The following PPP2R2C variants were observed in gnomAD, a reference collection of about 807,000 sequenced individuals.
PPP2R2C encodes the protein protein phosphatase 2 regulatory subunit Bgamma, also known as protein phosphatase 2, regulatory subunit B, gamma.
PPP2R2C carries 10 observed loss-of-function variants against 45.3 expected under a neutral mutation model. That is an observed-to-expected ratio of 0.22 (90% confidence interval 0.14 to 0.37). The LOEUF (loss-of-function observed/expected upper bound fraction) is 0.37. Ranked by LOEUF, PPP2R2C falls within the 10% of genes least tolerant of loss-of-function variation. The pLI is 1.00. For missense variants in PPP2R2C, 308 were observed against 619.7 expected (o/e 0.50, Z 5.34); for synonymous variants, 257 against 245.4 (o/e 1.05, Z -0.44).
chr4:6,469,782 G>C (rs1440624882), intron 1 of PPP2R2C, among the ~76,000 whole-genome samples: 1 of 152,234 alleles, frequency 6.6e-6, no homozygotes, highest in Non-Finnish European at 1.5e-5. Context: ...ATGAAATATA[G>C]TCAGGATGCA....
chr4:6,491,022 C>T (rs918259935), intron 2 of PPP2R2C, among the ~76,000 whole-genome samples: 26 of 152,132 alleles, frequency 1.7e-4, no homozygotes, highest in African/African-American at 6.0e-4. Flanking sequence ...GGGGCACCAC[C>T]CCACGTAAAC....
upstream of PPP2R2C, among the ~76,000 whole-genome samples, chr4:6,473,913 A>G (rs1188445223): frequency 6.6e-6 from 1 of 152,196 alleles, no homozygotes; most frequent in Non-Finnish European, 1.5e-5. Context: ...AGCACTCTGC[A>G]GGCTGTCATG....
rs756435972 is a variant in PPP2R2C, at chr4:6,347,847, C to T, written c.789G>A (p.Lys263=). The part of the protein sequence containing the change: ...RAAALCDKHS[K]LFEEPEDPSN... ...CCACCCCCAGGCACCGGCACTTACGCTTGGAATGCTTGTCACACAGGGCAG... is the reference window on the plus strand; with the variant it reads ...CCACCCCCAGGCACCGGCACTTACGTTTGGAATGCTTGTCACACAGGGCAG... Residue 263 remains lysine (K), a splice_region_variant and synonymous_variant, in exon 6 of 9, where the codon AAG becomes AAA. Transcript: ENST00000382599. 5.0e-6 allele frequency: 8 copies of T among 1,609,098 alleles called. No individual in the cohort carries two copies. The South Asian group carries it at 5.5e-5, about 11-fold the overall frequency.
chr4:6,538,698 C>T (rs569818398), intron 1 of PPP2R2C, among the ~76,000 whole-genome samples: 3 of 152,348 alleles, frequency 2.0e-5, no homozygotes, highest in South Asian at 2.1e-4. Flanking sequence ...CCACCCACAC[C>T]ACGTGCTACG....
At chr4:6,483,273 T>C (rs896829158) in intron 2 of PPP2R2C, among the ~76,000 whole-genome samples, 3 of 152,248 alleles carry the variant, frequency 2.0e-5, no homozygotes, top group African/African-American at 7.2e-5. Flanking sequence ...AGCAAGTTTG[T>C]ACTAACATCA....
At chr4:6,554,244 A>C (rs1245525607) in intron 1 of PPP2R2C, among the ~76,000 whole-genome samples, 1 of 152,176 alleles carries the variant, frequency 6.6e-6, no homozygotes, top group Non-Finnish European at 1.5e-5. Context: ...ATCAAAGAGG[A>C]AATTTGGACA....
rs553480619 is a variant in PPP2R2C, at chr4:6,331,666, G to A, written c.960+1896C>T. On this transcript the variant is annotated intron_variant, in intron 7 of 8. Coordinates refer to ENST00000382599, the MANE Select transcript of PPP2R2C (RefSeq NM_020416.4). The surrounding 1 kb of genome is among the most constrained non-coding windows in gnomAD (Gnocchi z 5.9). The stretch of plus-strand genomic sequence containing the variant: ...TTCCTGCCTGGAATGTAGGCAAAGT[G>A]CTTGGAGGTGTGGCAGCCACTTTGC... Among the ~76,000 whole-genome samples the A allele has an allele frequency of 2.0e-4, 31 of 152,268 alleles. No individual in the cohort carries two copies. The highest frequency in any genetic ancestry group is 6.3e-4 in the African/African-American group (26 of 41,546).
At chr4:6,412,893 G>A (rs1215601710) in intron 1 of PPP2R2C, among the ~76,000 whole-genome samples, 7 of 152,124 alleles carry the variant, frequency 4.6e-5, no homozygotes, top group African/African-American at 1.4e-4. Context: ...ACAGGAAGTC[G>A]CCACCTGTGA....
intron 1 of PPP2R2C, among the ~76,000 whole-genome samples, chr4:6,429,083 GTGTAGATACATGCCA>G (rs1719481560): frequency 1.4e-3 from 1 of 690 alleles, no homozygotes; most frequent in African/African-American, 2.7e-3. Flanking sequence ...CACAGACAAT[GTGTAGATACATGCCA>G]TGTGTAGATA....
At chr4:6,389,704 G>A (rs998233470) in intron 1 of PPP2R2C, among the ~76,000 whole-genome samples, 4 of 152,216 alleles carry the variant, frequency 2.6e-5, no homozygotes, top group Non-Finnish European at 4.4e-5. Flanking sequence ...CTGGGAGCCA[G>A]GCCCCAGCTT....
At position 6,349,116 on chromosome 4, in the gene PPP2R2C, C is replaced by T. The variant is rs115914802; in HGVS notation, c.626-1106G>A. ...GGACTGGCACCCCCGAGCTTCTCTC[C>T]GGCTTTCCAGCTTCAGATCCCACCC... is the stretch of plus-strand genomic sequence containing the variant. On this transcript the variant is annotated intron_variant, in intron 5 of 8. Transcript: ENST00000382599. The T allele has an allele frequency of 1.6e-4, 161 of 985,404 alleles. 2 individuals are homozygous for T. In the African/African-American group the frequency reaches 2.4e-3, roughly 15 times the overall value. The allele number at this position is 985,404 out of a possible 1,614,324, so 61.0% of individuals were successfully genotyped here. A position where few individuals can be genotyped will look rare whatever the true frequency, so the allele number is the denominator to read the frequency against.
At chr4:6,556,813 C>T (rs767001027) in intron 1 of PPP2R2C, among the ~76,000 whole-genome samples, 1 of 152,090 alleles carries the variant, frequency 6.6e-6, no homozygotes, top group African/African-American at 2.4e-5. Context: ...TCTCGGGGTG[C>T]CCCTGAGTTG....
chr4:6,534,581 A>G (rs1378021092), intron 2 of PPP2R2C, among the ~76,000 whole-genome samples: 1 of 151,920 alleles, frequency 6.6e-6, no homozygotes, highest in Non-Finnish European at 1.5e-5. Flanking sequence ...ACATCAACGC[A>G]TACAACACAC....
At chr4:6,414,331 C>G (rs751233021) in intron 1 of PPP2R2C, among the ~76,000 whole-genome samples, 1 of 152,060 alleles carries the variant, frequency 6.6e-6, no homozygotes, top group Non-Finnish European at 1.5e-5. Flanking sequence ...GAGCTAGGCT[C>G]GCAAACTCTC....
intron 2 of PPP2R2C, among the ~76,000 whole-genome samples, chr4:6,490,183 G>C (rs556374209): frequency 1.9e-4 from 29 of 152,292 alleles, no homozygotes; most frequent in Admixed American, 7.8e-4. Context: ...ACCTGGGCCT[G>C]GCCATGTCAG....
chr4:6,399,792 A>G lies in PPP2R2C; in HGVS notation c.71-18698T>C, dbSNP rs1156439495. Among the ~76,000 whole-genome samples the G allele has an allele frequency of 3.9e-5, 6 of 152,356 alleles. No homozygotes were observed. The South Asian group carries it at 6.2e-4, about 16-fold the overall frequency. On this transcript the variant is annotated intron_variant, in intron 1 of 8. Coordinates refer to ENST00000382599, the MANE Select transcript of PPP2R2C (RefSeq NM_020416.4). ...GTTCAGGTGAGCTAATGGGTAATTC[A>G]GCAGCCTGAAAATCAGTGGGCAGCC...
intron 1 of PPP2R2C, among the ~76,000 whole-genome samples, chr4:6,561,163 C>A (rs896885003): frequency 6.6e-6 from 1 of 152,212 alleles, no homozygotes; most frequent in African/African-American, 2.4e-5. Flanking sequence ...ACCTGTCTGC[C>A]ATGGATTGGG....
At chr4:6,460,242 G>A (rs895196254) in intron 1 of PPP2R2C, among the ~76,000 whole-genome samples, 6 of 152,184 alleles carry the variant, frequency 3.9e-5, no homozygotes, top group Admixed American at 2.0e-4. Context: ...ACAAGGTGAC[G>A]AAGGTAAAAT....
chr4:6,372,762 T>A (rs1047485826), intron 4 of PPP2R2C, 62 bp from the exon 5 acceptor site: 3 of 1,536,170 alleles, frequency 2.0e-6, no homozygotes, highest in Admixed American at 3.4e-5. Context: ...GGACATAGCA[T>A]GCCGTGAGCA....
Sources: allele counts gnomAD v4.1 joint callset (sites outside exome capture counted in the v4.1 genomes callset), GRCh38; gene constraint gnomAD v4.1.1; non-coding constraint Gnocchi (gnomAD v3.1); transcripts MANE v1.5; gene names NCBI Gene and HGNC (gene_info 2026-07-23, HGNC 2026-07-21).